Variants in PCDHA11 observed in about 807,000 individuals in gnomAD.
PCDHA11 encodes protocadherin alpha-11.
A neutral mutation model predicts 70.3 loss-of-function variants in PCDHA11; 61 were observed. The observed-to-expected ratio is 0.87, with a 90% CI of 0.71 to 1.07. The LOEUF (loss-of-function observed/expected upper bound fraction) is 1.07, where lower values mean the gene tolerates loss of function less well. Among genes scored for constraint, PCDHA11 ranks in the 50% least tolerant of loss-of-function variants. The probability of loss-of-function intolerance (pLI) is 0.00; values close to 1 mark genes in which losing one functional copy is unlikely to be tolerated. For synonymous variants in PCDHA11, 633 were observed against 555.1 expected, an observed-to-expected ratio of 1.14 and a Z score of -1.97; for missense variants, 1,324 against 1,237.5, an observed-to-expected ratio of 1.07 and a Z score of -1.05.
At chr5:140,954,722 G>A (rs1554221565) in intron 1 of PCDHA11, among the ~76,000 whole-genome samples, 1 of 152,092 alleles carries the variant, frequency 6.6e-6, no homozygotes, top group African/African-American at 2.4e-5. Context: ...TCTGTAGGTT[G>A]TCTTTTCACT....
At chr5:140,978,485 A>G (rs992352505) in intron 1 of PCDHA11, among the ~76,000 whole-genome samples, 2 of 152,264 alleles carry the variant, frequency 1.3e-5, no homozygotes, top group Admixed American at 1.3e-4. Flanking sequence ...CAGTCTGCAA[A>G]GCCAGCAGCA....
At chr5:140,975,326 G>A (rs901942738) in intron 1 of PCDHA11, among the ~76,000 whole-genome samples, 2 of 152,216 alleles carry the variant, frequency 1.3e-5, no homozygotes, top group Non-Finnish European at 2.9e-5. Flanking sequence ...GTCCCATCCA[G>A]ATGATCTCCC....
intron 1 of PCDHA11, among the ~76,000 whole-genome samples, chr5:140,873,598 G>A (rs888999019): frequency 1.3e-5 from 2 of 152,148 alleles, no homozygotes; most frequent in Non-Finnish European, 2.9e-5. Flanking sequence ...AAACTTAGAT[G>A]TTCCTATTGG....
intron 1 of PCDHA11, among the ~76,000 whole-genome samples, chr5:140,937,010 C>A (rs2091260078): frequency 6.6e-6 from 1 of 151,324 alleles, no homozygotes; most frequent in Non-Finnish European, 1.5e-5. Context: ...GACAGACAAC[C>A]GATTAACAAG....
At chr5:140,882,228 T>C in intron 1 of PCDHA11, 8 of 1,564,682 alleles carry the variant, frequency 5.1e-6, no homozygotes, top group Non-Finnish European at 6.9e-6. Flanking sequence ...GGTAAGGCGT[T>C]GTATATATTG....
chr5:140,886,122 C>T (rs1394228638), intron 1 of PCDHA11, among the ~76,000 whole-genome samples: 1 of 152,116 alleles, frequency 6.6e-6, no homozygotes, highest in Non-Finnish European at 1.5e-5. Context: ...AACATAGTTC[C>T]GTAACAACCA....
intron 1 of PCDHA11, chr5:140,875,950 G>A: frequency 6.2e-7 from 1 of 1,614,166 alleles, no homozygotes; most frequent in South Asian, 1.1e-5. Flanking sequence ...CGCTTCTGAT[G>A]CGGATATCGG....
chr5:140,908,778 C>G (rs1452710808), intron 1 of PCDHA11, among the ~76,000 whole-genome samples: 1 of 152,184 alleles, frequency 6.6e-6, no homozygotes, highest in Non-Finnish European at 1.5e-5. Flanking sequence ...GTAGAGTCTT[C>G]TCCTGTTCTG....
chr5:141,010,016 CT>C lies in PCDHA11; in HGVS notation c.*84del. 1 of 1,572,200 alleles carries C rather than the reference CT, an allele frequency of 6.4e-7. No homozygotes were observed. The highest frequency in any genetic ancestry group is 8.6e-7 in the Non-Finnish European group (1 of 1,163,240). On this transcript the variant is annotated 3_prime_UTR_variant, in exon 4 of 4. Transcript: ENST00000398640. Reference sequence around the variant, plus strand: ...TCTCCCATGTAGCAATTCCCTGCTCCTTTTTCCTATCTACATGAGCCCTCTT... The same window carrying C: ...TCTCCCATGTAGCAATTCCCTGCTCCTTTTCCTATCTACATGAGCCCTCTT...
In PCDHA11 at chr5:141,010,341, T is replaced by C. The variant is rs199826290; in HGVS notation, c.*404T>C. ...GAGCAGCTTGGGAGTTTGTGGCCAC[T>C]GGGTATGTGTGGCTACCGCGGGTAT... is the stretch of plus-strand genomic sequence containing the variant. On this transcript the variant is annotated 3_prime_UTR_variant, in exon 4 of 4. Coordinates refer to ENST00000398640, the MANE Select transcript of PCDHA11 (RefSeq NM_018902.5). 1 of 1,503,238 alleles carries C rather than the reference T, an allele frequency of 6.7e-7. No homozygotes were observed. The highest frequency in any genetic ancestry group is 8.9e-7 in the Non-Finnish European group (1 of 1,119,606). The allele number at this position is 1,503,238 out of a possible 1,614,324, so 93.1% of individuals were successfully genotyped here. A position where few individuals can be genotyped will look rare whatever the true frequency, so the allele number is the denominator to read the frequency against.
intron 1 of PCDHA11, among the ~76,000 whole-genome samples, chr5:140,894,790 T>C (rs943284227): frequency 6.6e-6 from 1 of 152,164 alleles, no homozygotes. Flanking sequence ...ATTTGTCCTC[T>C]CCTTTAAAAA....
intron 1 of PCDHA11, among the ~76,000 whole-genome samples, chr5:140,919,297 G>C (rs1351756549): frequency 6.6e-6 from 1 of 152,120 alleles, no homozygotes; most frequent in African/African-American, 2.4e-5. Context: ...GTTGCTGTTT[G>C]TACAATATAT....
intron 1 of PCDHA11, chr5:140,876,435 C>T: frequency 6.2e-7 from 1 of 1,613,970 alleles, no homozygotes; most frequent in South Asian, 1.1e-5. Context: ...TTCAGGTTAA[C>T]GCCATTGATA....
chr5:141,004,897 G>T (rs1455115465), intron 3 of PCDHA11, among the ~76,000 whole-genome samples: 1 of 152,154 alleles, frequency 6.6e-6, no homozygotes, highest in Non-Finnish European at 1.5e-5. Context: ...TGTCAGCTCT[G>T]CCAGGGTGTA....
At chr5:140,895,341 T>C (rs996566433) in intron 1 of PCDHA11, among the ~76,000 whole-genome samples, 5 of 152,186 alleles carry the variant, frequency 3.3e-5, no homozygotes, top group African/African-American at 1.2e-4. Flanking sequence ...TGTTTTACTA[T>C]GCTTTCCAGT....
chr5:140,946,886 C>G (rs1304455156), intron 1 of PCDHA11, among the ~76,000 whole-genome samples: 1 of 151,128 alleles, frequency 6.6e-6, no homozygotes, highest in African/African-American at 2.4e-5. Context: ...TACGAAGTTA[C>G]AATTAGATAG....
At chr5:140,999,766 A>G (rs1417826824) in intron 3 of PCDHA11, among the ~76,000 whole-genome samples, 2 of 152,180 alleles carry the variant, frequency 1.3e-5, no homozygotes, top group African/African-American at 2.4e-5. Flanking sequence ...TGATGTCTTT[A>G]TACTCTTAAC....
chr5:140,948,542 C>A (rs141026678), intron 1 of PCDHA11, among the ~76,000 whole-genome samples: 66 of 151,648 alleles, frequency 4.4e-4, no homozygotes, highest in African/African-American at 1.5e-3. Flanking sequence ...ATTTCATGCT[C>A]TGTCAATTTT....
chr5:140,957,346 G>C (rs1027225386), intron 1 of PCDHA11, among the ~76,000 whole-genome samples: 7 of 152,080 alleles, frequency 4.6e-5, no homozygotes, highest in Non-Finnish European at 8.8e-5. Flanking sequence ...TTTTGAGAGA[G>C]AGACCACATT....
Sources: gnomAD v4.1 joint callset for allele counts (sites outside exome capture counted in the v4.1 genomes callset) on GRCh38, gnomAD v4.1.1 for gene constraint, MANE v1.5 for transcripts, NCBI Gene and HGNC (gene_info 2026-07-23, HGNC 2026-07-21) for gene names.